The following HLA-F variants were observed in gnomAD, a reference collection of about 807,000 sequenced individuals.
HLA-F encodes the protein major histocompatibility complex, class I, F.
HLA-F carries 46 observed loss-of-function variants against 49.5 expected under a neutral mutation model. That is an observed-to-expected ratio of 0.93 (90% CI 0.73 to 1.19). HLA-F has a LOEUF of 1.19. Ranked by LOEUF, HLA-F falls within the 50% of genes most tolerant of loss-of-function variation. HLA-F has a pLI of 0.00. For synonymous variants in HLA-F, 203 were observed against 233.5 expected (o/e 0.87, Z 1.19); for missense variants, 496 against 579.6 (o/e 0.86, Z 1.48).
At chr6:29,726,413 C>G (rs1467244491) in intron 6 of HLA-F, 19 of 1,611,860 alleles carry the variant, frequency 1.2e-5, no homozygotes, top group Non-Finnish European at 1.3e-5. Context: ...TGTGAGACAG[C>G]TTCCTTGTGT....
At position 29,723,456 on chromosome 6, in the gene HLA-F, T is replaced by C. The variant is rs752357519; in HGVS notation, c.-8T>C. 29 of 1,613,152 alleles carry C rather than the reference T, an allele frequency of 1.8e-5. No homozygotes were observed. Among genetic ancestry groups the C allele is most frequent in the Non-Finnish European group, 2.3e-5 (27 of 1,179,892 alleles). ...CTCATATTTTTCCCAGACGCGGAGG[T>C]TGGGGTCATGGCGCCCCGAAGCCTC... On this transcript the variant is annotated 5_prime_UTR_variant, in exon 1 of 7. Coordinates refer to ENST00000259951, the MANE Select transcript of HLA-F (RefSeq NM_001098479.2).
At chr6:29,737,099 T>C (rs1777166286) in intron 3 of HLA-F, among the ~76,000 whole-genome samples, 1 of 151,394 alleles carries the variant, frequency 6.6e-6, no homozygotes, top group Non-Finnish European at 1.5e-5. Context: ...CAATTTGTAA[T>C]GAATTAACAG....
chr6:29,723,526 G>A lies in HLA-F; in HGVS notation c.63G>A (p.Ala21=), dbSNP rs2076183. 232,049 of 1,611,468 alleles carry A rather than the reference G, an allele frequency of 0.14. 19,638 individuals are homozygous for A. The highest frequency in any genetic ancestry group is 0.29 in the South Asian group (26,823 of 90,948). The change falls in exon 1 of 7, where the codon GCG becomes GCA. Residue 21 remains alanine, a splice_region_variant and synonymous_variant. Coordinates refer to ENST00000259951, the MANE Select transcript of HLA-F (RefSeq NM_001098479.2). ...SGALALTDTW[A]GSHSLRYFST... ...CCCTGGCCCTGACCGATACTTGGGC[G>A]GGTGAGTGCGGGGTCCAGAGAGAAA...
At chr6:29,730,927 C>T (rs1426104608), downstream of HLA-F, among the ~76,000 whole-genome samples, 1 of 152,206 alleles carries the variant, frequency 6.6e-6, no homozygotes, top group Non-Finnish European at 1.5e-5. Flanking sequence ...CATCCTGTCT[C>T]TGCTACCTGC....
intron 3 of HLA-F, among the ~76,000 whole-genome samples, chr6:29,737,341 T>C (rs914952205): frequency 1.3e-5 from 2 of 150,058 alleles, no homozygotes; most frequent in African/African-American, 4.9e-5. Flanking sequence ...ATCTGCAAAA[T>C]GCAAAGGACA....
chr6:29,729,924 G>A (rs910168833), downstream of HLA-F, among the ~76,000 whole-genome samples: 4 of 152,220 alleles, frequency 2.6e-5, no homozygotes, highest in African/African-American at 9.7e-5. Context: ...AAGTGTTGGC[G>A]AAGATGTGGA....
At chr6:29,732,649 T>C (rs1776725194) in intron 3 of HLA-F, among the ~76,000 whole-genome samples, 1 of 152,036 alleles carries the variant, frequency 6.6e-6, no homozygotes, top group Non-Finnish European at 1.5e-5. Context: ...GGTTTCACCA[T>C]GTTGGCCAGT....
At position 29,724,460 on chromosome 6, in the gene HLA-F, C is replaced by T; in HGVS notation, c.610+12C>T. On this transcript the variant is annotated intron_variant, in intron 3 of 6. Transcript: ENST00000259951. ...GCTACAGCGCGCAGGTACCAGGGGC[C>T]ATGGGCGCCTTCCCTATCTCCTGTA... is the stretch of plus-strand genomic sequence containing the variant. The T allele has an allele frequency of 6.2e-7, 1 of 1,609,336 alleles. No homozygotes were observed. Among genetic ancestry groups the T allele is most frequent in the Non-Finnish European group, 8.5e-7 (1 of 1,178,196 alleles).
chr6:29,736,417 T>C (rs1777103681), intron 3 of HLA-F: 1 of 454,044 alleles, frequency 2.2e-6, no homozygotes, highest in African/African-American at 2.0e-5. Flanking sequence ...CAATGCAGCA[T>C]TTCTAAGGAC....
intron 6 of HLA-F, chr6:29,726,293 G>C: frequency 8.4e-7 from 1 of 1,184,056 alleles, no homozygotes; most frequent in South Asian, 1.2e-5. Context: ...GGACTCAGCT[G>C]TGCTATTGGG....
chr6:29,733,362 T>TTTA lies in HLA-F; in HGVS notation c.404-4758_404-4757insATT, dbSNP rs200940224. Among the ~76,000 whole-genome samples, 6 of 152,112 alleles carry TTTA rather than the reference T, an allele frequency of 3.9e-5. No individual in the cohort carries two copies. The East Asian group carries it at 7.7e-4, about 20-fold the overall frequency. ...GTGGTATTTCTTCTGTGTATTTTAT[T>TTTA]TTTTTTAATTCAAGTAGGCATTGAT... On this transcript the variant is annotated intron_variant, in intron 3 of 4. Coordinates refer to the HLA-F transcript ENST00000465459.
downstream of HLA-F, chr6:29,728,016 C>G (rs1776269837): frequency 1.9e-6 from 1 of 518,944 alleles, no homozygotes. Flanking sequence ...AGCAATTTTC[C>G]CACCAGAGGA....
chr6:29,725,095 G>T lies in HLA-F; in HGVS notation c.675G>T (p.Trp225Cys). 1 of 1,614,036 alleles carries T rather than the reference G, an allele frequency of 6.2e-7. No individual in the cohort carries two copies. The change falls in exon 4 of 7, where the codon TGG becomes TGT. Residue 225 changes from tryptophan (W) to cysteine (C), a missense_variant. By Grantham distance (215) the Trp-to-Cys change is radical. Transcript: ENST00000259951. ...ACCATGAGGCCACCCTGAGGTGCTG[G>T]GCCCTGGGCTTCTACCCTGCGGAGA... ...ISDHEATLRC[W>C]ALGFYPAEIT...
intron 3 of HLA-F, among the ~76,000 whole-genome samples, chr6:29,732,619 G>A (rs914183877): frequency 1.1e-4 from 17 of 151,830 alleles, no homozygotes; most frequent in Admixed American, 7.2e-4. Context: ...CTAATTTTTT[G>A]TATTTTTTAG....
Position 29,723,448 on chromosome 6 carries a change from C to A in HLA-F, c.-16C>A. On this transcript the variant is annotated 5_prime_UTR_variant, in exon 1 of 7. Transcript: ENST00000259951. ...CCGCGGGACTCATATTTTTCCCAGA[C>A]GCGGAGGTTGGGGTCATGGCGCCCC... 1 of 1,613,222 alleles carries A rather than the reference C, an allele frequency of 6.2e-7. No individual in the cohort carries two copies.
At chr6:29,726,146 C>A (rs1776038160) in intron 6 of HLA-F, 103 bp downstream of exon 6, 2 of 1,190,710 alleles carry the variant, frequency 1.7e-6, no homozygotes, top group Non-Finnish European at 2.5e-6. Flanking sequence ...CATCTGTGGG[C>A]TCTGACCAGG....
chr6:29,735,034 T>C (rs1015777800), intron 3 of HLA-F: 1 of 152,136 alleles, frequency 6.6e-6, no homozygotes, highest in African/African-American at 2.4e-5. Context: ...ATTGTAGAAA[T>C]ACACTACATG....
intron 1 of HLA-F, 44 bp from the exon 2 acceptor site, chr6:29,723,614 T>C (rs1632954): frequency 0.83 from 1,325,904 of 1,597,582 alleles, 552,302 homozygotes; most frequent in East Asian, 0.99. Flanking sequence ...GGGAGCCGCC[T>C]CCGGAGGAGG....
chr6:29,733,368 T>A (rs1776795377), intron 3 of HLA-F, among the ~76,000 whole-genome samples: 2 of 152,194 alleles, frequency 1.3e-5, no homozygotes, highest in East Asian at 3.9e-4. Context: ...TTATTTTTTT[T>A]AATTCAAGTA....
Sources: gnomAD v4.1 joint callset for allele counts (sites outside exome capture counted in the v4.1 genomes callset) on GRCh38, gnomAD v4.1.1 for gene constraint, MANE v1.5 for transcripts, NCBI Gene and HGNC (gene_info 2026-07-23, HGNC 2026-07-21) for gene names.